The following DENND4C variants were observed in gnomAD, a reference collection of about 807,000 sequenced individuals.
DENND4C encodes the protein DENN domain containing 4C.
Under a neutral mutation model 203.0 loss-of-function variants are expected in DENND4C, and 108 were observed. That is an observed-to-expected ratio of 0.53 (90% CI 0.46 to 0.62). The LOEUF (loss-of-function observed/expected upper bound fraction) is 0.62. Ranked by LOEUF, DENND4C falls within the 20% of genes least tolerant of loss-of-function variation. The probability of loss-of-function intolerance (pLI) is 0.00; values close to 1 mark genes in which losing one functional copy is unlikely to be tolerated. For synonymous variants in DENND4C, 871 were observed against 792.4 expected (o/e 1.10, Z -1.67); for missense variants, 2,481 against 2,301.2 (o/e 1.08, Z -1.60).
intron 21 of DENND4C, among the ~76,000 whole-genome samples, chr9:19,342,337 C>T (rs1821850950): frequency 6.6e-6 from 1 of 152,130 alleles, no homozygotes; most frequent in Non-Finnish European, 1.5e-5. Flanking sequence ...AAACAAGCCC[C>T]TCTCCATTTG....
chr9:19,282,200 A>G (rs959357987), intron 2 of DENND4C, among the ~76,000 whole-genome samples: 22 of 151,958 alleles, frequency 1.4e-4, no homozygotes, highest in East Asian at 1.9e-4. Flanking sequence ...CTTTCTTTAA[A>G]TCCTTATTTT....
At chr9:19,288,082 A>G (rs910045741) in intron 3 of DENND4C, among the ~76,000 whole-genome samples, 5 of 152,260 alleles carry the variant, frequency 3.3e-5, no homozygotes, top group Admixed American at 2.0e-4. Context: ...GAAAATGAAC[A>G]TAAATGTTTG....
intron 10 of DENND4C, among the ~76,000 whole-genome samples, chr9:19,310,160 A>G (rs76592884): frequency 0.017 from 2,511 of 152,122 alleles, 44 homozygotes; most frequent in Non-Finnish European, 0.02. Flanking sequence ...TCCTTTTTTA[A>G]TTTGTATATT....
At chr9:19,342,094 A>G (rs1284156339) in intron 21 of DENND4C, among the ~76,000 whole-genome samples, 2 of 143,820 alleles carry the variant, frequency 1.4e-5, no homozygotes, top group East Asian at 4.1e-4. Context: ...ATTGCACTCT[A>G]GCCTGGGCGA....
chr9:19,256,809 G>C (rs546678895), intron 1 of DENND4C, among the ~76,000 whole-genome samples: 1 of 151,348 alleles, frequency 6.6e-6, no homozygotes, highest in East Asian at 2.0e-4. Flanking sequence ...AGTGGCTCAC[G>C]CCTGAAATCC....
At chr9:19,364,666 G>T (rs1441202814) in intron 30 of DENND4C, among the ~76,000 whole-genome samples, 3 of 152,096 alleles carry the variant, frequency 2.0e-5, no homozygotes, top group African/African-American at 7.2e-5. Flanking sequence ...GCCAAGGCGG[G>T]TGGATCACCT....
In DENND4C at chr9:19,336,797, T is replaced by C. The variant is rs866349929; in HGVS notation, c.2846T>C (p.Ile949Thr). ...GEHTVFVRDLIRLESIDNHSS... is the reference protein window; with the variant it reads ...GEHTVFVRDLTRLESIDNHSS... ...CACACAGTCTTCGTCAGAGATTTAA[T>C]CAGGCTTGAGTCCATTGATAATCAC... Residue 949 changes from isoleucine (I) to threonine (T), a missense_variant, in exon 20 of 33, where the codon ATC becomes ACC. Ile to Thr is a moderately conservative substitution (Grantham distance 89). Transcript: ENST00000434457. 72 of 1,550,774 alleles carry C rather than the reference T, an allele frequency of 4.6e-5. No homozygotes were observed. The African/African-American group carries it at 7.5e-4, about 16-fold the overall frequency.
rs952320328 is a variant in DENND4C, at chr9:19,332,167, G to A, written c.2443G>A (p.Val815Met). 6.2e-7 allele frequency: 1 copy of A among 1,613,852 alleles called. No homozygotes were observed. The highest frequency in any genetic ancestry group is 1.1e-5 in the South Asian group (1 of 91,072). ...ACTTATTAAGATGAGGAAAACAGAT[G>A]TGGATCCCTTAGATGAGGCAAGTAT... is the stretch of plus-strand genomic sequence containing the variant. Reference protein sequence around the residue: ...DVLIKMRKTDVDPLDEVCYRV... With the variant: ...DVLIKMRKTDMDPLDEVCYRV... The change falls in exon 17 of 33, where the codon GTG (valine) becomes ATG (methionine). Residue 815 changes from valine to methionine, a missense_variant. This residue lies in a region of DENND4C where 2,289 missense variants were observed against 2,113.3 expected (regional missense o/e 1.08). Coordinates refer to ENST00000434457, the MANE Select transcript of DENND4C (RefSeq NM_001330640.2).
intron 5 of DENND4C, 85 bp from the exon 6 acceptor site, chr9:19,295,923 A>G: frequency 9.4e-7 from 1 of 1,069,076 alleles, no homozygotes; most frequent in Non-Finnish European, 1.4e-6. Flanking sequence ...CTCCAAGCAA[A>G]TATTTCTTGT....
intron 1 of DENND4C, among the ~76,000 whole-genome samples, chr9:19,232,037 C>T (rs1173590444): frequency 6.6e-6 from 1 of 152,044 alleles, no homozygotes; most frequent in Non-Finnish European, 1.5e-5. Context: ...GCGATAAGAG[C>T]AATATTAGTT....
chr9:19,253,082 G>A (rs562578110), intron 1 of DENND4C, among the ~76,000 whole-genome samples: 1 of 152,320 alleles, frequency 6.6e-6, no homozygotes, highest in South Asian at 2.1e-4. Context: ...TTCCTCTCTT[G>A]ACTTTTAACC....
chr9:19,233,449 T>G (rs376910337), intron 1 of DENND4C, among the ~76,000 whole-genome samples: 51 of 152,358 alleles, frequency 3.3e-4, no homozygotes, highest in Non-Finnish European at 5.7e-4. Context: ...GGCAGTTTTA[T>G]TATTTGAAAT....
At chr9:19,297,016 C>T (rs1837606981) in intron 6 of DENND4C, among the ~76,000 whole-genome samples, 1 of 152,082 alleles carries the variant, frequency 6.6e-6, no homozygotes, top group Non-Finnish European at 1.5e-5. Context: ...ATCTTTCTTT[C>T]CTAAGAAAGA....
chr9:19,246,956 C>T (rs1268630597), intron 1 of DENND4C, among the ~76,000 whole-genome samples: 1 of 152,148 alleles, frequency 6.6e-6, no homozygotes, highest in African/African-American at 2.4e-5. Context: ...AGTATCTCTA[C>T]CCTCTAAGAT....
At chr9:19,237,788 A>G (rs966580129) in intron 1 of DENND4C, among the ~76,000 whole-genome samples, 4 of 152,168 alleles carry the variant, frequency 2.6e-5, no homozygotes, top group African/African-American at 9.7e-5. Context: ...TATAATATAA[A>G]CCAAATATGT....
intron 30 of DENND4C, among the ~76,000 whole-genome samples, 166 bp downstream of exon 30, chr9:19,362,129 C>T (rs1323918461): frequency 6.6e-6 from 1 of 152,024 alleles, no homozygotes; most frequent in Admixed American, 6.6e-5. Flanking sequence ...CAAAACTTAG[C>T]CAGGTGTGGT....
intron 1 of DENND4C, among the ~76,000 whole-genome samples, chr9:19,251,051 C>T (rs959704308): frequency 4.6e-5 from 7 of 152,222 alleles, no homozygotes; most frequent in Admixed American, 1.3e-4. Context: ...TGTGGGGGCT[C>T]CCACCCCACA....
chr9:19,350,196 C>G (rs1267617593), intron 23 of DENND4C, among the ~76,000 whole-genome samples: 4 of 152,178 alleles, frequency 2.6e-5, no homozygotes, highest in Non-Finnish European at 5.9e-5. Context: ...TCTGAACATT[C>G]AGATTCCCAG....
At chr9:19,318,910 T>C (rs369065710) in intron 12 of DENND4C, among the ~76,000 whole-genome samples, 1 of 152,222 alleles carries the variant, frequency 6.6e-6, no homozygotes, top group Non-Finnish European at 1.5e-5. Context: ...GGCTTATGCC[T>C]GTAATCCCAG....
Sources: allele counts gnomAD v4.1 joint callset (sites outside exome capture counted in the v4.1 genomes callset), GRCh38; gene constraint gnomAD v4.1.1; regional missense constraint gnomAD v4.1.1; transcripts MANE v1.5; gene names NCBI Gene and HGNC (gene_info 2026-07-23, HGNC 2026-07-21).